Variants in PCCB observed in about 807,000 individuals in gnomAD.
The protein encoded by PCCB is propionyl-CoA carboxylase beta chain, mitochondrial.
In PCCB, 43 loss-of-function variants were observed where a neutral mutation model predicts 60.7. The ratio of observed to expected loss-of-function variants is 0.71; its 90% CI spans 0.55 to 0.91. PCCB has a LOEUF of 0.91. Among genes scored for constraint, PCCB ranks in the 40% least tolerant of loss-of-function variants. The pLI, the probability that PCCB is intolerant of heterozygous loss-of-function variation, is 0.00. For synonymous variants in PCCB, 276 were observed against 255.9 expected (o/e 1.08, Z -0.75); for missense variants, 766 against 702.8 (o/e 1.09, Z -1.02).
intron 6 of PCCB, among the ~76,000 whole-genome samples, chr3:136,286,081 A>C (rs1933388626): frequency 6.6e-6 from 1 of 152,212 alleles, no homozygotes; most frequent in African/African-American, 2.4e-5. Context: ...CAATAACTAA[A>C]ACTGTCTGAA....
intron 8 of PCCB, among the ~76,000 whole-genome samples, chr3:136,299,170 CAT>C (rs1934077226): frequency 6.6e-6 from 1 of 151,938 alleles, no homozygotes; most frequent in Non-Finnish European, 1.5e-5. Context: ...ACCTCTTCTG[CAT>C]ATGATTCCAA....
intron 1 of PCCB, among the ~76,000 whole-genome samples, chr3:136,253,094 T>TC (rs1284876378): frequency 7.1e-6 from 1 of 141,150 alleles, no homozygotes. Context: ...TTTTTTTTTT[T>TC]TTTTTTTTTT....
chr3:136,328,363 G>A (rs1314116420), intron 13 of PCCB, among the ~76,000 whole-genome samples: 1 of 152,076 alleles, frequency 6.6e-6, no homozygotes, highest in Non-Finnish European at 1.5e-5. Flanking sequence ...AGGTCTTAGG[G>A]TACCGAAAAA....
intron 14 of PCCB, 100 bp downstream of exon 14, chr3:136,328,957 G>A (rs1935435246): frequency 1.1e-6 from 1 of 937,244 alleles, no homozygotes; most frequent in Non-Finnish European, 1.7e-6. Flanking sequence ...TGCCTTTGCA[G>A]TCTAATCTGT....
At position 136,283,891 on chromosome 3, in the gene PCCB, T is replaced by C; in HGVS notation, c.598T>C (p.Cys200Arg). The C allele has an allele frequency of 1.9e-6, 3 of 1,613,356 alleles. No homozygotes were observed. The highest frequency in any genetic ancestry group is 2.5e-6 in the Non-Finnish European group (3 of 1,179,370). The change falls in exon 6 of 15, where the codon TGT (cysteine) becomes CGT (arginine). Residue 200 changes from cysteine to arginine, a missense_variant. By Grantham distance (180) the Cys-to-Arg change is radical. Coordinates refer to ENST00000251654, the MANE Select transcript of PCCB (RefSeq NM_000532.5). ...TCAGATTTCTCTGATCATGGGCCCATGTGCTGGTGGGGCCGTCTACTCCCC... is the reference window on the plus strand; with the variant it reads ...TCAGATTTCTCTGATCATGGGCCCACGTGCTGGTGGGGCCGTCTACTCCCC... Reference protein sequence around the residue: ...IPQISLIMGPCAGGAVYSPAL... With the variant: ...IPQISLIMGPRAGGAVYSPAL...
intron 5 of PCCB, among the ~76,000 whole-genome samples, chr3:136,273,754 T>C (rs918654101): frequency 1.0e-4 from 15 of 150,020 alleles, no homozygotes; most frequent in Non-Finnish European, 1.5e-5. Context: ...CTACTGAAAA[T>C]ACAAAAAATT....
intron 8 of PCCB, among the ~76,000 whole-genome samples, chr3:136,300,698 G>A (rs1427240821): frequency 2.0e-5 from 3 of 152,042 alleles, no homozygotes; most frequent in Non-Finnish European, 4.4e-5. Flanking sequence ...GCTGTGTCTT[G>A]TTCACTATAA....
intron 2 of PCCB, 193 bp downstream of exon 2, chr3:136,256,168 C>G (rs1941666665): frequency 2.6e-6 from 2 of 769,576 alleles, no homozygotes; most frequent in Admixed American, 5.2e-5. Flanking sequence ...GCCTTGAACT[C>G]CTGGCTTCAA....
intron 8 of PCCB, among the ~76,000 whole-genome samples, chr3:136,299,335 TACAC>T (rs756849333): frequency 2.1e-4 from 32 of 152,030 alleles, no homozygotes; most frequent in Non-Finnish European, 3.2e-4. Context: ...TATTTGTGCA[TACAC>T]ACATACACAT....
chr3:136,260,198 C>A, intron 3 of PCCB: 1 of 480,052 alleles, frequency 2.1e-6, no homozygotes, highest in Non-Finnish European at 3.8e-6. Flanking sequence ...CTCAGCCTCC[C>A]GAGTAGCTGG....
rs755889266 is a variant in PCCB, at chr3:136,250,494, A to G, written c.119A>G (p.Glu40Gly). 3 of 1,612,996 alleles carry G rather than the reference A, an allele frequency of 1.9e-6. No individual in the cohort carries two copies. In the Admixed American group the frequency reaches 5.0e-5, roughly 27 times the overall value. ...SQATSVNERI[E>G]NKRRTALLGG... is the part of the protein sequence containing the mutation. ...GCCACCTCTGTTAACGAACGCATCG[A>G]AAACAAGCGCCGGACCGCGCTGCTG... is the stretch of plus-strand genomic sequence containing the variant. The change falls in exon 1 of 15, where the codon GAA (glutamate) becomes GGA (glycine). Residue 40 changes from glutamate to glycine, a missense_variant. Transcript: ENST00000251654.
At chr3:136,288,446 A>G (rs1933524270) in intron 6 of PCCB, among the ~76,000 whole-genome samples, 1 of 151,674 alleles carries the variant, frequency 6.6e-6, no homozygotes, top group Non-Finnish European at 1.5e-5. Flanking sequence ...CCCAGGTTCA[A>G]GTGATCCTCC....
In PCCB at chr3:136,288,637, C is replaced by A. The variant is rs1576330652; in HGVS notation, c.654+4690C>A. On this transcript the variant is annotated intron_variant, in intron 6 of 14. Transcript: ENST00000251654. ...GGGATTACGGGTATAAGCCACAGCA[C>A]CTGGTCTATAAAAATGTTTAGAGAC... Among the ~76,000 whole-genome samples, 3 of 149,706 alleles carry A rather than the reference C, an allele frequency of 2.0e-5. No homozygotes were observed. In the East Asian group the frequency reaches 6.0e-4, roughly 30 times the overall value.
chr3:136,288,255 G>A (rs1294857923), intron 6 of PCCB, among the ~76,000 whole-genome samples: 1 of 151,818 alleles, frequency 6.6e-6, no homozygotes, highest in East Asian at 1.9e-4. Context: ...GTTAGATGAA[G>A]TATGTCCATC....
At chr3:136,318,358 A>G (rs1934988310) in intron 10 of PCCB, among the ~76,000 whole-genome samples, 1 of 152,120 alleles carries the variant, frequency 6.6e-6, no homozygotes, top group Admixed American at 6.6e-5. Context: ...CCACTGCATG[A>G]CAGAGTGACA....
rs2108127602 is a variant in PCCB at position 136,250,362 on chromosome 3, CCGGCACAGCAAAAATGGCGG to C, written c.-8_12del. On this transcript the variant is annotated start_lost and 5_prime_UTR_variant, in exon 1 of 15. Coordinates refer to ENST00000251654, the MANE Select transcript of PCCB (RefSeq NM_000532.5). Reference sequence around the variant, plus strand: ...CTCAGGTGCGCCGGTAGGGGACGCGCCGGCACAGCAAAAATGGCGGCGGCATTACGGGTGGCGGCGGTCGG... The same window carrying C: ...CTCAGGTGCGCCGGTAGGGGACGCGCCGGCATTACGGGTGGCGGCGGTCGG... 1.3e-6 allele frequency: 2 copies of C among 1,509,712 alleles called. No individual in the cohort carries two copies. The highest frequency in any genetic ancestry group is 1.8e-6 in the Non-Finnish European group (2 of 1,124,296). 93.5% of individuals were successfully genotyped at this position (1,509,712 alleles called of 1,614,324 possible).
At chr3:136,323,818 A>G (rs1317704377) in intron 10 of PCCB, among the ~76,000 whole-genome samples, 1 of 151,880 alleles carries the variant, frequency 6.6e-6, no homozygotes, top group Non-Finnish European at 1.5e-5. Context: ...AAAAAAAAAA[A>G]AAAAACCCAC....
In PCCB at chr3:136,301,130, T is replaced by G; in HGVS notation, c.966+19T>G. The G allele has an allele frequency of 6.3e-7, 1 of 1,589,014 alleles. No individual in the cohort carries two copies. ...ACACTCTGTAAGTGCCACATCTGTTTGTCTTGCCTGTCCTAGTCAGCCACA... is the reference window on the plus strand; with the variant it reads ...ACACTCTGTAAGTGCCACATCTGTTGGTCTTGCCTGTCCTAGTCAGCCACA... On this transcript the variant is annotated intron_variant, in intron 9 of 14. Transcript: ENST00000251654.
chr3:136,326,931 G>T (rs1935334358), intron 11 of PCCB, 21 bp downstream of exon 11: 1 of 1,491,448 alleles, frequency 6.7e-7, no homozygotes, highest in South Asian at 1.1e-5. Flanking sequence ...GACAGAGTGG[G>T]GGCTAGGAGA....
Sources: gnomAD v4.1 joint callset for allele counts (sites outside exome capture counted in the v4.1 genomes callset) on GRCh38, gnomAD v4.1.1 for gene constraint, MANE v1.5 for transcripts, NCBI Gene and HGNC (gene_info 2026-07-23, HGNC 2026-07-21) for gene names.